CDH23: variants seen among roughly 807,000 people sequenced by gnomAD.
CDH23 encodes the protein cadherin-23.
In CDH23, 189 loss-of-function variants were observed where a neutral mutation model predicts 317.1. That is an observed-to-expected ratio of 0.60 (90% CI 0.53 to 0.67). The LOEUF is 0.67. Among genes scored for constraint, CDH23 ranks in the 30% least tolerant of loss-of-function variants. The pLI is 0.00. For synonymous variants in CDH23, 1,839 were observed against 1,876.8 expected, an observed-to-expected ratio of 0.98 and a Z score of 0.52; for missense variants, 4,401 against 4,592.4, an observed-to-expected ratio of 0.96 and a Z score of 1.20.
chr10:71,634,665 C>T (rs1338881834), intron 11 of CDH23, among the ~76,000 whole-genome samples: 4 of 152,218 alleles, frequency 2.6e-5, no homozygotes, highest in African/African-American at 7.2e-5. Context: ...TCCCTGGGAT[C>T]GTGGGAGGCT....
intron 32 of CDH23, among the ~76,000 whole-genome samples, chr10:71,733,157 A>G (rs554877927): frequency 6.6e-6 from 1 of 152,332 alleles, no homozygotes; most frequent in South Asian, 2.1e-4. Context: ...GAAACACTTT[A>G]CTTACTATTA....
chr10:71,620,125 C>T (rs1270759418), intron 11 of CDH23, among the ~76,000 whole-genome samples: 1 of 152,144 alleles, frequency 6.6e-6, no homozygotes, highest in Non-Finnish European at 1.5e-5. Flanking sequence ...GTCCCTGCAG[C>T]AGGGAAGAGG....
At chr10:71,662,593 T>C (rs1471959497) in intron 14 of CDH23, among the ~76,000 whole-genome samples, 2 of 152,160 alleles carry the variant, frequency 1.3e-5, no homozygotes, top group African/African-American at 4.8e-5. Flanking sequence ...CCTTCTCTCA[T>C]CTCCTTGGCT....
intron 38 of CDH23, among the ~76,000 whole-genome samples, chr10:71,776,849 C>A (rs1840826234): frequency 6.6e-6 from 1 of 152,262 alleles, no homozygotes; most frequent in African/African-American, 2.4e-5. Flanking sequence ...TGGCCACACC[C>A]AGCAGGAAGC....
chr10:71,720,144 A>G (rs7098632), intron 28 of CDH23, among the ~76,000 whole-genome samples: 25,027 of 152,184 alleles, frequency 0.16, 4,318 homozygotes, highest in African/African-American at 0.42. Flanking sequence ...GCTACAAGCC[A>G]TGGCAGGAGG....
chr10:71,532,088 AG>A (rs1431194109), intron 6 of CDH23, among the ~76,000 whole-genome samples: 3 of 152,152 alleles, frequency 2.0e-5, no homozygotes. Context: ...GGAGCCAGGA[AG>A]GAGGGGCTGA....
intron 6 of CDH23, among the ~76,000 whole-genome samples, chr10:71,545,680 A>G (rs1400037046): frequency 6.6e-6 from 1 of 152,130 alleles, no homozygotes; most frequent in Non-Finnish European, 1.5e-5. Context: ...CCTTTCATCT[A>G]GTGGGGGAGA....
chr10:71,713,401 C>G (rs1272965610), intron 28 of CDH23: 7 of 667,298 alleles, frequency 1.0e-5, no homozygotes, highest in Non-Finnish European at 1.9e-5. Context: ...GAATGAGTCT[C>G]TTTACCAACT....
intron 22 of CDH23, among the ~76,000 whole-genome samples, chr10:71,699,871 A>G (rs1170101901): frequency 1.3e-5 from 2 of 152,056 alleles, no homozygotes; most frequent in Non-Finnish European, 2.9e-5. Flanking sequence ...GGGTCAAGAG[A>G]CCCAAAACCA....
At chr10:71,623,115 C>A (rs985848523) in intron 11 of CDH23, among the ~76,000 whole-genome samples, 1 of 152,168 alleles carries the variant, frequency 6.6e-6, no homozygotes, top group Non-Finnish European at 1.5e-5. Context: ...TATTTCCTTC[C>A]AGTGGGGAGA....
chr10:71,741,901 G>A lies in CDH23; in HGVS notation c.4825G>A (p.Glu1609Lys), dbSNP rs563582184. Residue 1609 changes from glutamate (E) to lysine (K), a missense_variant, in exon 38 of 70, where the codon GAG becomes AAG. Glu to Lys is a moderately conservative substitution (Grantham distance 56). Transcript: ENST00000224721. ...FYHLVATVED[E>K]GTPTLSATTH... ...CCACCTGGTGGCCACTGTGGAGGACGAGGGCACCCCAACCCTGTCGGTGAG... is the reference window on the plus strand; with the variant it reads ...CCACCTGGTGGCCACTGTGGAGGACAAGGGCACCCCAACCCTGTCGGTGAG... The A allele has an allele frequency of 1.4e-5, 22 of 1,604,500 alleles. No individual in the cohort carries two copies. The highest frequency in any genetic ancestry group is 1.1e-4 in the East Asian group (5 of 44,526).
intron 3 of CDH23, among the ~76,000 whole-genome samples, chr10:71,485,825 A>G (rs1341021591): frequency 6.6e-6 from 1 of 152,214 alleles, no homozygotes; most frequent in Non-Finnish European, 1.5e-5. Flanking sequence ...CTCCAATTCT[A>G]TGACAAAGCC....
chr10:71,479,829 G>T (rs909170227), intron 3 of CDH23, among the ~76,000 whole-genome samples: 12 of 152,124 alleles, frequency 7.9e-5, no homozygotes, highest in Non-Finnish European at 2.9e-5. Flanking sequence ...GGATGTGTGT[G>T]TGCATCCATA....
intron 11 of CDH23, among the ~76,000 whole-genome samples, chr10:71,626,619 A>T (rs775376559): frequency 6.6e-6 from 1 of 152,058 alleles, no homozygotes; most frequent in Non-Finnish European, 1.5e-5. Context: ...TAGGGCATGG[A>T]CCTCTGTTTT....
intron 6 of CDH23, among the ~76,000 whole-genome samples, chr10:71,551,277 G>C (rs1856581584): frequency 6.6e-6 from 1 of 152,232 alleles, no homozygotes; most frequent in Non-Finnish European, 1.5e-5. Context: ...TTAGCATCCT[G>C]CTTAATGAAC....
chr10:71,559,697 C>T (rs1057175012), intron 6 of CDH23, among the ~76,000 whole-genome samples: 1 of 152,086 alleles, frequency 6.6e-6, no homozygotes, highest in Non-Finnish European at 1.5e-5. Context: ...GAGATGTCCT[C>T]GAGCCATGTC....
chr10:71,578,426 A>G (rs927894185), intron 9 of CDH23, among the ~76,000 whole-genome samples: 1 of 152,198 alleles, frequency 6.6e-6, no homozygotes, highest in Admixed American at 6.5e-5. Flanking sequence ...CGGAGCTGCA[A>G]CTACAGCTGA....
In CDH23 at chr10:71,803,055, CACTT is replaced by C; in HGVS notation, c.7641_7644del (p.Leu2548ArgfsTer17). 6.2e-7 allele frequency: 1 copy of C among 1,611,578 alleles called. No individual in the cohort carries two copies. The highest frequency in any genetic ancestry group is 8.5e-7 in the Non-Finnish European group (1 of 1,177,926). On this transcript the variant is annotated frameshift_variant, in exon 54 of 70. Transcript: ENST00000224721. LOFTEE classifies it high-confidence loss of function. ...GGTCCCAATGGAGAGTTGACCTACT[CACTT>C]GAGGGCCCTGGCGTGGGTATGTGGC... is the stretch of plus-strand genomic sequence containing the variant.
intron 1 of CDH23, among the ~76,000 whole-genome samples, chr10:71,410,068 C>A: frequency 6.6e-6 from 1 of 152,140 alleles, no homozygotes; most frequent in East Asian, 1.9e-4. Context: ...GGGCTTCTGG[C>A]AATTTAATTA....
Sources: allele counts gnomAD v4.1 joint callset (sites outside exome capture counted in the v4.1 genomes callset), GRCh38; gene constraint gnomAD v4.1.1; transcripts MANE v1.5; gene names NCBI Gene and HGNC (gene_info 2026-07-23, HGNC 2026-07-21).